The following C1orf146 variants were observed in gnomAD, a reference collection of about 807,000 sequenced individuals.
The protein encoded by C1orf146 is chromosome 1 open reading frame 146, also known as protein SPO16 homolog.
A neutral mutation model predicts 23.0 loss-of-function variants in C1orf146; 22 were observed. That is an observed-to-expected ratio of 0.96 (90% CI 0.68 to 1.36). The LOEUF (loss-of-function observed/expected upper bound fraction) is 1.36. C1orf146 is among the 40% of genes most tolerant of loss of function. C1orf146 has a pLI of 0.00. For missense variants in C1orf146, 199 were observed against 206.8 expected, an observed-to-expected ratio of 0.96 and a Z score of 0.23; for synonymous variants, 59 against 65.3, an observed-to-expected ratio of 0.90 and a Z score of 0.47.
At chr1:92,240,025 A>G (rs1271191245) in intron 2 of C1orf146, among the ~76,000 whole-genome samples, 1 of 152,218 alleles carries the variant, frequency 6.6e-6, no homozygotes, top group Non-Finnish European at 1.5e-5. Context: ...AGTCACTCAG[A>G]TCATTTTCTT....
intron 2 of C1orf146, among the ~76,000 whole-genome samples, chr1:92,238,791 A>T (rs1484218262): frequency 6.6e-6 from 1 of 152,132 alleles, no homozygotes. Context: ...TATAAGAACC[A>T]TACCTTTAGG....
intron 3 of C1orf146, 61 bp downstream of exon 3, chr1:92,242,366 T>C: frequency 1.1e-6 from 1 of 908,746 alleles, no homozygotes. Context: ...TAAATTCTAA[T>C]GACTTCATAG....
chr1:92,225,300 T>G (rs1331874400), intron 1 of C1orf146, among the ~76,000 whole-genome samples: 1 of 152,042 alleles, frequency 6.6e-6, no homozygotes, highest in Non-Finnish European at 1.5e-5. Flanking sequence ...AGAGATGGGG[T>G]TTTGCCCTGT....
intron 1 of C1orf146, among the ~76,000 whole-genome samples, chr1:92,231,117 C>T (rs551091798): frequency 6.6e-6 from 1 of 152,296 alleles, no homozygotes; most frequent in Non-Finnish European, 1.5e-5. Context: ...GGATAAAAAC[C>T]TCAGACCTTG....
chr1:92,233,303 G>T (rs1009785598), intron 2 of C1orf146, among the ~76,000 whole-genome samples: 1 of 151,156 alleles, frequency 6.6e-6, no homozygotes, highest in Non-Finnish European at 1.5e-5. Context: ...GTAAGGAAGG[G>T]ATCCAGTTTC....
At chr1:92,236,654 CT>C (rs1314463547) in intron 2 of C1orf146, among the ~76,000 whole-genome samples, 1 of 152,112 alleles carries the variant, frequency 6.6e-6, no homozygotes, top group Non-Finnish European at 1.5e-5. Context: ...GAATGTTGGC[CT>C]GCCTTGCTAG....
chr1:92,235,600 G>A (rs1361198844), intron 2 of C1orf146, among the ~76,000 whole-genome samples: 1 of 152,182 alleles, frequency 6.6e-6, no homozygotes, highest in Non-Finnish European at 1.5e-5. Flanking sequence ...ATTTGGGGTG[G>A]AGAGTTCTGT....
At chr1:92,242,121 A>T in intron 2 of C1orf146, 91 bp from the exon 3 acceptor site, 1 of 592,950 alleles carries the variant, frequency 1.7e-6, no homozygotes, top group South Asian at 2.7e-5. Context: ...GGTAGTTATA[A>T]AACAACATAT....
At chr1:92,229,377 A>C (rs1020589740) in intron 1 of C1orf146, 1 of 543,114 alleles carries the variant, frequency 1.8e-6, no homozygotes, top group Non-Finnish European at 3.7e-6. Context: ...CGGACACCGG[A>C]ACCGTTCGTT....
In C1orf146 at chr1:92,245,672, T is replaced by TA. The variant is rs1270875469; in HGVS notation, c.542dup (p.Ter181=). 1 of 1,558,944 alleles carries TA rather than the reference T, an allele frequency of 6.4e-7. No individual in the cohort carries two copies. The highest frequency in any genetic ancestry group is 1.4e-5 in the African/African-American group (1 of 71,924). ...KLNSDSVNPN[*] Reference sequence around the variant, plus strand: ...GAATAGTGATTCAGTTAACCCAAATTAGAGTACCAACTTAATGTTTTTCTC... The same window carrying TA: ...GAATAGTGATTCAGTTAACCCAAATTAAGAGTACCAACTTAATGTTTTTCTC... The change falls in exon 6 of 6, where the codon TAG becomes TAAG. Residue 181 remains the stop codon, a frameshift_variant and stop_retained_variant. Coordinates refer to ENST00000370375, the MANE Select transcript of C1orf146 (RefSeq NM_001012425.2). LOFTEE classifies it high-confidence loss of function.
At chr1:92,240,808 G>A in intron 2 of C1orf146, 2 of 392,324 alleles carry the variant, frequency 5.1e-6, no homozygotes, top group Non-Finnish European at 1.1e-5. Context: ...ACAGGTGTGA[G>A]CCATTGTGCC....
In C1orf146 at chr1:92,245,634, A is replaced by G. The variant is rs746896674; in HGVS notation, c.503A>G (p.Gln168Arg). 5.6e-6 allele frequency: 9 copies of G among 1,598,736 alleles called. No homozygotes were observed. Among genetic ancestry groups the G allele is most frequent in the Non-Finnish European group, 6.8e-6 (8 of 1,174,774 alleles). Residue 168 changes from glutamine (Q) to arginine (R), a missense_variant, in exon 6 of 6, where the codon CAG (glutamine) becomes CGG (arginine). Physicochemically the swap from Gln to Arg is conservative, Grantham distance 43. Transcript: ENST00000370375. ...CAAAGTCCTGTTTGGAAAACACTTC[A>G]GAAGATAAAACTGAATAGTGATTCA... ...IEQSPVWKTL[Q>R]KIKLNSDSVN... is the part of the protein sequence containing the mutation.
intron 3 of C1orf146, 47 bp from the exon 4 acceptor site, chr1:92,244,170 C>T (rs766060337): frequency 1.5e-6 from 2 of 1,354,516 alleles, no homozygotes; most frequent in East Asian, 2.3e-5. Context: ...AACAAAATTT[C>T]ATCTCTATAA....
chr1:92,227,012 A>G (rs1197676455), intron 1 of C1orf146, among the ~76,000 whole-genome samples: 1 of 152,154 alleles, frequency 6.6e-6, no homozygotes, highest in Non-Finnish European at 1.5e-5. Context: ...TACTTCTACC[A>G]CTTCAAGGAC....
intron 3 of C1orf146, among the ~76,000 whole-genome samples, chr1:92,242,822 G>A (rs1218798959): frequency 6.6e-6 from 1 of 152,184 alleles, no homozygotes; most frequent in Non-Finnish European, 1.5e-5. Context: ...AGAGAAGGCT[G>A]AGGAGATGGG....
chr1:92,225,506 T>C (rs992291356), intron 1 of C1orf146, among the ~76,000 whole-genome samples: 2 of 152,260 alleles, frequency 1.3e-5, no homozygotes, highest in African/African-American at 4.8e-5. Context: ...CATTTCAAAA[T>C]ATTGCCTAAC....
intron 2 of C1orf146, among the ~76,000 whole-genome samples, chr1:92,235,879 T>C (rs1652264165): frequency 6.6e-6 from 1 of 152,114 alleles, no homozygotes; most frequent in South Asian, 2.1e-4. Flanking sequence ...CTTCTTTGTC[T>C]CTTTTGATCT....
intron 2 of C1orf146, among the ~76,000 whole-genome samples, chr1:92,238,418 A>C (rs926844351): frequency 6.6e-6 from 1 of 152,218 alleles, no homozygotes; most frequent in Non-Finnish European, 1.5e-5. Context: ...GTAAAACCCC[A>C]AAAAGAGATG....
intron 1 of C1orf146, among the ~76,000 whole-genome samples, chr1:92,221,564 T>C (rs1248930398): frequency 6.6e-6 from 1 of 152,250 alleles, no homozygotes; most frequent in East Asian, 1.9e-4. Context: ...TCTAGCTTTA[T>C]AAGCAGTGCA....
Sources: gnomAD v4.1 joint callset for allele counts (sites outside exome capture counted in the v4.1 genomes callset) on GRCh38, gnomAD v4.1.1 for gene constraint, MANE v1.5 for transcripts, NCBI Gene and HGNC (gene_info 2026-07-23, HGNC 2026-07-21) for gene names.